PTPRN2: variants seen among roughly 807,000 people sequenced by gnomAD.
The protein encoded by PTPRN2 is receptor-type tyrosine-protein phosphatase N2.
Under a neutral mutation model 118.8 loss-of-function variants are expected in PTPRN2, and 74 were observed. The observed-to-expected ratio is 0.62, with a 90% CI of 0.52 to 0.76. The LOEUF (loss-of-function observed/expected upper bound fraction) is 0.76, where lower values mean the gene tolerates loss of function less well. PTPRN2 is among the 30% of genes least tolerant of loss of function. PTPRN2 has a pLI of 0.00. For synonymous variants in PTPRN2, 641 were observed against 608.0 expected (o/e 1.05, Z -0.80); for missense variants, 1,481 against 1,394.4 (o/e 1.06, Z -0.99).
chr7:157,986,057 C>T lies in PTPRN2; in HGVS notation c.1724-87320G>A, dbSNP rs117629850. 4.5e-3 allele frequency among the ~76,000 whole-genome samples: 679 copies of T among 152,338 alleles called. 7 individuals are homozygous for T. Among genetic ancestry groups the T allele is most frequent in the Non-Finnish European group, 7.8e-3 (528 of 68,036 alleles). ...AGAGAAAGGCCAGAACACAAACACA[C>T]TTCCTGCTTCCAGATGGATGGAGGT... On this transcript the variant is annotated intron_variant, in intron 11 of 22. Transcript: ENST00000389418. The surrounding 1 kb of genome is among the most constrained non-coding windows in gnomAD (Gnocchi z 4.5).
At chr7:157,899,288 A>G (rs935496883) in intron 11 of PTPRN2, among the ~76,000 whole-genome samples, 5 of 152,208 alleles carry the variant, frequency 3.3e-5, no homozygotes, top group African/African-American at 1.2e-4. Context: ...CTCCTGATGT[A>G]GAATGAGGAA....
chr7:158,071,700 G>A (rs1355791911), intron 11 of PTPRN2, among the ~76,000 whole-genome samples: 1,541 of 133,420 alleles, frequency 0.012, 24 homozygotes, highest in Non-Finnish European at 0.021. Flanking sequence ...GGTGCTTGTG[G>A]TGGAGGTGCT....
intron 12 of PTPRN2, among the ~76,000 whole-genome samples, chr7:157,816,782 C>T (rs186257582): frequency 1.3e-5 from 2 of 152,330 alleles, no homozygotes; most frequent in East Asian, 1.9e-4. Flanking sequence ...GCGTTGAGTG[C>T]TTTGCTGGGA....
At chr7:157,843,673 A>G (rs1808593034) in intron 12 of PTPRN2, among the ~76,000 whole-genome samples, 1 of 152,182 alleles carries the variant, frequency 6.6e-6, no homozygotes, top group Non-Finnish European at 1.5e-5. Flanking sequence ...AAATTTGGGA[A>G]CACACATTAA....
At chr7:158,388,736 G>T (rs1399235197) in intron 2 of PTPRN2, among the ~76,000 whole-genome samples, 2 of 152,094 alleles carry the variant, frequency 1.3e-5, no homozygotes, top group East Asian at 3.9e-4. Flanking sequence ...ATGGTGCCTT[G>T]GCCTTTCTGG....
Position 157,611,737 on chromosome 7 carries a change from C to T in PTPRN2, c.2345-7662G>A, listed in dbSNP as rs10282610. Among the ~76,000 whole-genome samples the T allele has an allele frequency of 8.9e-3, 1,318 of 148,358 alleles. 20 individuals are homozygous for T. The highest frequency in any genetic ancestry group is 0.031 in the African/African-American group (1,249 of 39,962). ...CAGCCGCGGTCATGCTGGGGACACGCGGAGGGAGCGCGCCCGTGTGAAGAC... is the reference window on the plus strand; with the variant it reads ...CAGCCGCGGTCATGCTGGGGACACGTGGAGGGAGCGCGCCCGTGTGAAGAC... On this transcript the variant is annotated intron_variant, in intron 15 of 22. Coordinates refer to ENST00000389418, the MANE Select transcript of PTPRN2 (RefSeq NM_002847.5). The surrounding 1 kb of genome is among the most constrained non-coding windows in gnomAD (Gnocchi z 5.9).
At chr7:158,508,215 C>A (rs1323801316) in intron 1 of PTPRN2, among the ~76,000 whole-genome samples, 1 of 152,198 alleles carries the variant, frequency 6.6e-6, no homozygotes, top group Non-Finnish European at 1.5e-5. Context: ...TGAGGACCGT[C>A]CAGGGGACAG....
intron 3 of PTPRN2, among the ~76,000 whole-genome samples, chr7:158,308,081 AATTACCC>A (rs1801428094): frequency 6.6e-6 from 1 of 152,204 alleles, no homozygotes; most frequent in African/African-American, 2.4e-5. Context: ...TTTCTTTATA[AATTACCC>A]AGTTTCAGAT....
chr7:157,772,006 A>G (rs1363151066), intron 12 of PTPRN2, among the ~76,000 whole-genome samples: 6 of 151,884 alleles, frequency 4.0e-5, no homozygotes, highest in Non-Finnish European at 7.4e-5. Flanking sequence ...ACACACAGAT[A>G]CATACACAGA....
At chr7:157,582,280 G>A (rs1472727443) in intron 17 of PTPRN2, among the ~76,000 whole-genome samples, 1 of 152,198 alleles carries the variant, frequency 6.6e-6, no homozygotes, top group East Asian at 1.9e-4. Flanking sequence ...CTTTTTGAGT[G>A]CTAAGTATTT....
intron 9 of PTPRN2, among the ~76,000 whole-genome samples, chr7:158,122,678 C>A (rs1415163882): frequency 2.6e-5 from 4 of 152,212 alleles, no homozygotes; most frequent in Non-Finnish European, 5.9e-5. Flanking sequence ...TTATTGGCCT[C>A]ATTTAAAAGA....
intron 12 of PTPRN2, among the ~76,000 whole-genome samples, chr7:157,849,990 A>G (rs1809150009): frequency 6.6e-6 from 1 of 152,228 alleles, no homozygotes; most frequent in Non-Finnish European, 1.5e-5. Context: ...ATGGTCTTCC[A>G]AGGATTGGAG....
chr7:158,277,894 G>C (rs555105666), intron 3 of PTPRN2, among the ~76,000 whole-genome samples: 2 of 152,162 alleles, frequency 1.3e-5, no homozygotes, highest in Non-Finnish European at 2.9e-5. Flanking sequence ...GGCTGCGGCA[G>C]AGTCTAAGAG....
intron 12 of PTPRN2, among the ~76,000 whole-genome samples, chr7:157,822,180 C>T (rs907166909): frequency 6.6e-6 from 1 of 151,956 alleles, no homozygotes; most frequent in Admixed American, 6.6e-5. Flanking sequence ...TATCCATCAT[C>T]CATCCAAATA....
intron 12 of PTPRN2, among the ~76,000 whole-genome samples, chr7:157,883,266 A>C (rs567601539): frequency 3.3e-5 from 5 of 151,782 alleles, no homozygotes; most frequent in Middle Eastern, 6.8e-3. Flanking sequence ...CACCACCCGA[A>C]AATGACTGTC....
chr7:158,276,395 T>G (rs1485364786), intron 3 of PTPRN2, among the ~76,000 whole-genome samples: 3 of 3,884 alleles, frequency 7.7e-4, no homozygotes, highest in Admixed American at 2.3e-3. Context: ...ACAGGCTGTA[T>G]CACCCCCCAC....
At position 158,341,874 on chromosome 7, in the gene PTPRN2, G is replaced by C. The variant is rs372700460; in HGVS notation, c.164-24942C>G. 3.1e-5 allele frequency among the ~76,000 whole-genome samples: 3 copies of C among 97,034 alleles called. 1 individual carries two copies. The highest frequency in any genetic ancestry group is 5.8e-5 in the Non-Finnish European group (3 of 51,402). 63.7% of individuals were successfully genotyped at this position (97,034 alleles called of 152,430 possible). Reference sequence around the variant, plus strand: ...CACCATAAGAGTGTGCCCCGCAGGCGTCACTCACACCCACACTCACCATAT... The same window carrying C: ...CACCATAAGAGTGTGCCCCGCAGGCCTCACTCACACCCACACTCACCATAT... On this transcript the variant is annotated intron_variant, in intron 2 of 22. Transcript: ENST00000389418.
At chr7:157,599,976 C>T (rs1439774057) in intron 16 of PTPRN2, among the ~76,000 whole-genome samples, 2 of 105,020 alleles carry the variant, frequency 1.9e-5, no homozygotes, top group African/African-American at 8.1e-5. Context: ...CCTACCTCTC[C>T]ACCTGCCCAC....
chr7:157,620,887 C>G (rs562586069), intron 15 of PTPRN2, among the ~76,000 whole-genome samples: 1 of 152,156 alleles, frequency 6.6e-6, no homozygotes, highest in Admixed American at 6.5e-5. Context: ...AGGCCTCCCT[C>G]CCCGGGGACT....
Sources: allele counts gnomAD v4.1 joint callset (sites outside exome capture counted in the v4.1 genomes callset), GRCh38; gene constraint gnomAD v4.1.1; non-coding constraint Gnocchi (gnomAD v3.1); transcripts MANE v1.5; gene names NCBI Gene and HGNC (gene_info 2026-07-23, HGNC 2026-07-21).